CDKAL1: variants seen among roughly 807,000 people sequenced by gnomAD.
CDKAL1 encodes the protein CDKAL1 threonylcarbamoyladenosine tRNA methylthiotransferase, also known as threonylcarbamoyladenosine tRNA methylthiotransferase.
Under a neutral mutation model 68.2 loss-of-function variants are expected in CDKAL1, and 32 were observed. The observed-to-expected ratio is 0.47, with a 90% CI of 0.35 to 0.63. CDKAL1 has a LOEUF of 0.63. Among genes scored for constraint, CDKAL1 ranks in the 30% least tolerant of loss-of-function variants. The probability of loss-of-function intolerance (pLI) is 0.00; values close to 1 mark genes in which losing one functional copy is unlikely to be tolerated. For missense variants in CDKAL1, 606 were observed against 696.7 expected (o/e 0.87, Z 1.47); for synonymous variants, 234 against 244.3 (o/e 0.96, Z 0.39).
intron 9 of CDKAL1, among the ~76,000 whole-genome samples, chr6:20,920,789 G>T (rs1762917395): frequency 6.6e-6 from 1 of 152,106 alleles, no homozygotes; most frequent in Non-Finnish European, 1.5e-5. Flanking sequence ...AATACTCTTA[G>T]TTTAGTAGAC....
chr6:20,894,727 C>T (rs1369603363), intron 9 of CDKAL1, among the ~76,000 whole-genome samples: 3 of 152,180 alleles, frequency 2.0e-5, no homozygotes, highest in South Asian at 2.1e-4. Flanking sequence ...ACATAAAATA[C>T]AAAATGTGGT....
At chr6:20,786,064 T>TAC (rs1775658127) in intron 8 of CDKAL1, among the ~76,000 whole-genome samples, 1 of 151,914 alleles carries the variant, frequency 6.6e-6, no homozygotes, top group South Asian at 2.1e-4. Context: ...CTACTAAAAA[T>TAC]ACAAAAATTA....
At chr6:20,602,563 A>G (rs964723183) in intron 4 of CDKAL1, among the ~76,000 whole-genome samples, 1 of 152,178 alleles carries the variant, frequency 6.6e-6, no homozygotes, top group Non-Finnish European at 1.5e-5. Context: ...TGGTTTATCA[A>G]CCATCCTGAA....
chr6:20,739,802 CAT>C (rs1378950601), intron 6 of CDKAL1, among the ~76,000 whole-genome samples, 187 bp downstream of exon 6: 4 of 152,286 alleles, frequency 2.6e-5, no homozygotes, highest in Admixed American at 1.3e-4. Context: ...AGCACAAAAA[CAT>C]GTGTTAGTTT....
rs372417710 is a variant in CDKAL1, at chr6:20,849,278, G to C, written c.742+3100G>C. 2.3e-4 allele frequency among the ~76,000 whole-genome samples: 35 copies of C among 151,854 alleles called. 2 individuals are homozygous for C. The East Asian group carries it at 2.7e-3, about 12-fold the overall frequency. On this transcript the variant is annotated intron_variant, in intron 9 of 15. Transcript: ENST00000274695. Reference sequence around the variant, plus strand: ...TGAGATAACATGTATAAAGTAATTGGCTATGTCAATATTATGAAGAAGAGA... The same window carrying C: ...TGAGATAACATGTATAAAGTAATTGCCTATGTCAATATTATGAAGAAGAGA...
At chr6:20,772,102 A>G (rs561501905) in intron 7 of CDKAL1, among the ~76,000 whole-genome samples, 2 of 152,288 alleles carry the variant, frequency 1.3e-5, no homozygotes, top group South Asian at 2.1e-4. Flanking sequence ...TGTCTTTTGT[A>G]AGGTCTGCTT....
At chr6:21,111,337 C>G (rs1479144085) in intron 13 of CDKAL1, among the ~76,000 whole-genome samples, 1 of 152,204 alleles carries the variant, frequency 6.6e-6, no homozygotes, top group Non-Finnish European at 1.5e-5. Flanking sequence ...GGCAAAATTT[C>G]CTTCGGGTTT....
At chr6:20,602,652 A>G (rs1766155053) in intron 4 of CDKAL1, among the ~76,000 whole-genome samples, 1 of 152,164 alleles carries the variant, frequency 6.6e-6, no homozygotes, top group African/African-American at 2.4e-5. Context: ...GGAAGTTGGA[A>G]CACTTGCCTA....
chr6:21,065,209 A>G lies in CDKAL1; in HGVS notation c.1217A>G (p.Glu406Gly), dbSNP rs534619575. 7 of 1,608,810 alleles carry G rather than the reference A, an allele frequency of 4.4e-6. No individual in the cohort carries two copies. Among genetic ancestry groups the G allele is most frequent in the Non-Finnish European group, 5.9e-6 (7 of 1,178,524 alleles). The change falls in exon 12 of 16, where the codon GAA (glutamate) becomes GGA (glycine). Residue 406 changes from glutamate (E) to glycine (G), a missense_variant. Transcript: ENST00000274695. ...PRPGTPAAKMEQVPAQVKKQR... is the reference protein window; with the variant it reads ...PRPGTPAAKMGQVPAQVKKQR... The stretch of plus-strand genomic sequence containing the variant: ...CCAGGAACTCCTGCTGCAAAAATGG[A>G]ACAAGTTCCAGCACAAGTGGTAAGA...
intron 10 of CDKAL1, among the ~76,000 whole-genome samples, chr6:20,995,783 AAGAGAGTC>A (rs1205522286): frequency 2.1e-4 from 32 of 152,248 alleles, no homozygotes; most frequent in African/African-American, 7.0e-4. Context: ...ATCCCCTAAC[AAGAGAGTC>A]AGTCTTTATG....
At chr6:21,079,342 T>C (rs9366375) in intron 12 of CDKAL1, among the ~76,000 whole-genome samples, 27,921 of 152,050 alleles carry the variant, frequency 0.18, 2,666 homozygotes, top group East Asian at 0.32. Context: ...TATGTCTGTT[T>C]TGGAAAGCTC....
At chr6:20,581,653 G>A (rs919612898) in intron 4 of CDKAL1, among the ~76,000 whole-genome samples, 25 of 152,132 alleles carry the variant, frequency 1.6e-4, no homozygotes, top group Non-Finnish European at 3.5e-4. Flanking sequence ...TTCTTTAGTA[G>A]CCTTCAGAAC....
At chr6:20,957,008 TAA>T (rs70990087) in intron 10 of CDKAL1, among the ~76,000 whole-genome samples, 6 of 113,820 alleles carry the variant, frequency 5.3e-5, no homozygotes, top group Non-Finnish European at 8.5e-5. Context: ...TGATTCTCTG[TAA>T]AAAAAAAAAA....
chr6:20,926,830 T>A (rs971152561), intron 9 of CDKAL1, among the ~76,000 whole-genome samples: 2 of 151,338 alleles, frequency 1.3e-5, no homozygotes, highest in African/African-American at 4.8e-5. Flanking sequence ...TCTTGAGAAA[T>A]GGAAAATCAA....
intron 15 of CDKAL1, among the ~76,000 whole-genome samples, chr6:21,206,407 A>G (rs1562117264): frequency 6.6e-6 from 1 of 152,184 alleles, no homozygotes; most frequent in Non-Finnish European, 1.5e-5. Context: ...CTGTTTTAAT[A>G]AAGGCTAACT....
intron 13 of CDKAL1, among the ~76,000 whole-genome samples, chr6:21,109,898 AT>A (rs1774037253): frequency 6.6e-6 from 1 of 152,234 alleles, no homozygotes; most frequent in African/African-American, 2.4e-5. Context: ...ACATTTTTAA[AT>A]TCGCAGTTAA....
chr6:20,711,317 C>T (rs1371407059), intron 5 of CDKAL1, among the ~76,000 whole-genome samples: 1 of 152,142 alleles, frequency 6.6e-6, no homozygotes, highest in Non-Finnish European at 1.5e-5. Context: ...ATATGAGATT[C>T]TAATGTTGTC....
At position 20,656,603 on chromosome 6, in the gene CDKAL1, G is replaced by A. The variant is rs113514912; in HGVS notation, c.371+7226G>A. Among the ~76,000 whole-genome samples, 341 of 152,232 alleles carry A rather than the reference G, an allele frequency of 2.2e-3. 2 individuals carry two copies. Among genetic ancestry groups the A allele is most frequent in the South Asian group, 0.018 (85 of 4,824 alleles). ...ATACCCCCTATGTACTGAACCTAGAGAATATAGTTTCTGTGATTATCAACT... is the reference window on the plus strand; with the variant it reads ...ATACCCCCTATGTACTGAACCTAGAAAATATAGTTTCTGTGATTATCAACT... On this transcript the variant is annotated intron_variant, in intron 5 of 15. Transcript: ENST00000274695.
At chr6:20,926,099 A>G (rs965362379) in intron 9 of CDKAL1, among the ~76,000 whole-genome samples, 1 of 152,158 alleles carries the variant, frequency 6.6e-6, no homozygotes. Context: ...AAAAACATAC[A>G]AAGGATATTG....
Sources: gnomAD v4.1 joint callset for allele counts (sites outside exome capture counted in the v4.1 genomes callset) on GRCh38, gnomAD v4.1.1 for gene constraint, MANE v1.5 for transcripts, NCBI Gene and HGNC (gene_info 2026-07-23, HGNC 2026-07-21) for gene names.